Variants in GRXCR1 observed in about 807,000 individuals in gnomAD.
GRXCR1 encodes the protein glutaredoxin domain-containing cysteine-rich protein 1.
A neutral mutation model predicts 27.3 loss-of-function variants in GRXCR1; 27 were observed. That is an observed-to-expected ratio of 0.99 (90% CI 0.73 to 1.37). The LOEUF (loss-of-function observed/expected upper bound fraction) is 1.37, where lower values mean the gene tolerates loss of function less well. Ranked by LOEUF, GRXCR1 falls within the 40% of genes most tolerant of loss-of-function variation. The pLI is 0.00. For missense variants in GRXCR1, 379 were observed against 354.4 expected (o/e 1.07, Z -0.56); for synonymous variants, 122 against 131.1 (o/e 0.93, Z 0.47).
chr4:42,944,017 T>G (rs1009413710), intron 1 of GRXCR1, among the ~76,000 whole-genome samples: 3 of 152,050 alleles, frequency 2.0e-5, no homozygotes, highest in Admixed American at 6.6e-5. Flanking sequence ...AAGATTTGTA[T>G]CCTAACAAAG....
chr4:42,918,712 A>C (rs1355791917), intron 1 of GRXCR1, among the ~76,000 whole-genome samples: 1 of 152,094 alleles, frequency 6.6e-6, no homozygotes, highest in Admixed American at 6.6e-5. Flanking sequence ...GTTAACTCAC[A>C]CGAATAAAAC....
Position 43,024,197 on chromosome 4 carries a change from C to CTTTTTTTTTTTT in GRXCR1, c.693+3783_693+3794dup, listed in dbSNP as rs60704333. ...GCCAACATAGTGTCCATTTTCTGTC[C>CTTTTTTTTTTTT]TTTTTTTTTTTTTTTTGGTAAAGCT... On this transcript the variant is annotated intron_variant, in intron 3 of 3. Transcript: ENST00000399770. 4.0e-4 allele frequency among the ~76,000 whole-genome samples: 38 copies of CTTTTTTTTTTTT among 94,214 alleles called. 2 individuals carry two copies. Among genetic ancestry groups the CTTTTTTTTTTTT allele is most frequent in the East Asian group, 1.8e-3 (5 of 2,752 alleles). The allele number at this position is 94,214 out of a possible 152,430, so 61.8% of individuals were successfully genotyped here.
chr4:42,922,307 C>T (rs1747033683), intron 1 of GRXCR1, among the ~76,000 whole-genome samples: 1 of 152,044 alleles, frequency 6.6e-6, no homozygotes, highest in Non-Finnish European at 1.5e-5. Context: ...TCTCTCTAGC[C>T]CTAGGTCTGT....
intron 1 of GRXCR1, among the ~76,000 whole-genome samples, chr4:42,948,894 A>G (rs559781785): frequency 6.6e-6 from 1 of 152,298 alleles, no homozygotes; most frequent in Non-Finnish European, 1.5e-5. Flanking sequence ...CTTCAAAAGG[A>G]GTATGAGTCT....
chr4:42,902,460 TC>T lies in GRXCR1; in HGVS notation c.384+8811del, dbSNP rs148365178. ...CCATGTCCCTGCAAAGGATGTGATC[TC>T]AGTTATTTCGATGGCTGCATAGTAT... is the stretch of plus-strand genomic sequence containing the variant. On this transcript the variant is annotated intron_variant, in intron 1 of 3. Coordinates refer to ENST00000399770, the MANE Select transcript of GRXCR1 (RefSeq NM_001080476.3). 1.0e-3 allele frequency among the ~76,000 whole-genome samples: 158 copies of T among 152,324 alleles called. 3 individuals are homozygous for T. The East Asian group carries it at 0.027, about 26-fold the overall frequency.
At chr4:42,901,057 T>A (rs1746449246) in intron 1 of GRXCR1, among the ~76,000 whole-genome samples, 1 of 152,136 alleles carries the variant, frequency 6.6e-6, no homozygotes, top group African/African-American at 2.4e-5. Context: ...GCTTCTAAAC[T>A]GTCCCAAGTA....
In GRXCR1 at chr4:43,005,844, G is replaced by A. The variant is rs550798100; in HGVS notation, c.628-14510G>A. ...TGGTCTTCATGAAGCAAATGTTTAT[G>A]AGAAATGACTATGAATCTGGTCCCA... On this transcript the variant is annotated intron_variant, in intron 2 of 3. Transcript: ENST00000399770. Among the ~76,000 whole-genome samples, 13 of 152,322 alleles carry A rather than the reference G, an allele frequency of 8.5e-5. No individual in the cohort carries two copies. The South Asian group carries it at 2.7e-3, about 32-fold the overall frequency.
intron 1 of GRXCR1, among the ~76,000 whole-genome samples, chr4:42,925,115 G>C (rs940104285): frequency 5.3e-5 from 8 of 151,858 alleles, no homozygotes; most frequent in African/African-American, 1.7e-4. Flanking sequence ...GAAGATGTCT[G>C]AGTATATTTA....
intron 2 of GRXCR1, among the ~76,000 whole-genome samples, chr4:43,013,651 A>G (rs1403806589): frequency 6.6e-6 from 1 of 152,202 alleles, no homozygotes; most frequent in Non-Finnish European, 1.5e-5. Flanking sequence ...ATTACAAAAA[A>G]AGTAAAAAAT....
At chr4:43,030,276 C>T (rs1577952398) in intron 3 of GRXCR1, 85 bp from the exon 4 acceptor site, 3 of 1,227,040 alleles carry the variant, frequency 2.4e-6, no homozygotes, top group East Asian at 4.6e-5. Flanking sequence ...TGACCACTCA[C>T]AGTTCAGAAA....
At chr4:42,993,417 G>A (rs1448169630) in intron 2 of GRXCR1, among the ~76,000 whole-genome samples, 1 of 151,822 alleles carries the variant, frequency 6.6e-6, no homozygotes, top group African/African-American at 2.4e-5. Flanking sequence ...ATATGTTCTA[G>A]TTTTTAATTG....
chr4:42,909,657 A>C (rs1349184731), intron 1 of GRXCR1, among the ~76,000 whole-genome samples: 4 of 152,178 alleles, frequency 2.6e-5, no homozygotes, highest in African/African-American at 9.7e-5. Flanking sequence ...TCTATGTTGC[A>C]GTATGAAATA....
intron 1 of GRXCR1, among the ~76,000 whole-genome samples, chr4:42,903,936 C>T (rs191393729): frequency 7.9e-5 from 12 of 152,284 alleles, no homozygotes; most frequent in African/African-American, 2.6e-4. Context: ...TCTCTCCTTA[C>T]CTCCTTTCTG....
intron 2 of GRXCR1, among the ~76,000 whole-genome samples, chr4:42,992,494 G>C (rs6447201): frequency 0.84 from 127,133 of 152,118 alleles, 53,459 homozygotes; most frequent in East Asian, 0.99. Context: ...ATTGCCATCA[G>C]TTAATGATCC....
chr4:42,952,675 A>G (rs1747913064), intron 1 of GRXCR1, among the ~76,000 whole-genome samples: 1 of 152,138 alleles, frequency 6.6e-6, no homozygotes, highest in African/African-American at 2.4e-5. Context: ...TAGGAGCAGA[A>G]TGGCTCCCCT....
intron 3 of GRXCR1, among the ~76,000 whole-genome samples, chr4:43,026,821 G>A (rs780173173): frequency 2.2e-4 from 34 of 152,232 alleles, no homozygotes; most frequent in Non-Finnish European, 3.5e-4. Flanking sequence ...TGAGAAGGGG[G>A]CAAAGACTCC....
intron 2 of GRXCR1, among the ~76,000 whole-genome samples, chr4:42,980,171 C>G (rs1382386987): frequency 1.3e-5 from 2 of 151,604 alleles, no homozygotes; most frequent in Non-Finnish European, 2.9e-5. Context: ...TAATTTTCTT[C>G]ATTCTACTAT....
At chr4:42,957,445 C>A (rs1281089921) in intron 1 of GRXCR1, among the ~76,000 whole-genome samples, 1 of 151,940 alleles carries the variant, frequency 6.6e-6, no homozygotes, top group African/African-American at 2.4e-5. Flanking sequence ...TTATTTTGTA[C>A]TCTAATATTG....
chr4:43,026,921 C>T (rs148063499), intron 3 of GRXCR1, among the ~76,000 whole-genome samples: 1 of 152,310 alleles, frequency 6.6e-6, no homozygotes, highest in Non-Finnish European at 1.5e-5. Context: ...GCCCGAGAAT[C>T]TTTCCAGCAC....
Sources: allele counts gnomAD v4.1 joint callset (sites outside exome capture counted in the v4.1 genomes callset), GRCh38; gene constraint gnomAD v4.1.1; transcripts MANE v1.5; gene names NCBI Gene and HGNC (gene_info 2026-07-23, HGNC 2026-07-21).